The following SULT1C3 variants were observed in gnomAD, a reference collection of about 807,000 sequenced individuals.
SULT1C3 encodes sulfotransferase family 1C member 3.
Under a neutral mutation model 28.4 loss-of-function variants are expected in SULT1C3, and 31 were observed. That is an observed-to-expected ratio of 1.09 (90% CI 0.82 to 1.47). The LOEUF is 1.47. Ranked by LOEUF, SULT1C3 falls within the 40% of genes most tolerant of loss-of-function variation. SULT1C3 has a pLI of 0.00. For synonymous variants in SULT1C3, 106 were observed against 92.2 expected (o/e 1.15, Z -0.86); for missense variants, 307 against 272.5 (o/e 1.13, Z -0.89).
chr2:108,257,878 T>C (rs140018557), intron 5 of SULT1C3, among the ~76,000 whole-genome samples: 28 of 152,204 alleles, frequency 1.8e-4, no homozygotes, highest in Non-Finnish European at 3.4e-4. Context: ...TCTGTGTCTC[T>C]GGAGAACCTG....
At chr2:108,248,546 C>G (rs1018588092) in intron 2 of SULT1C3, among the ~76,000 whole-genome samples, 1 of 152,054 alleles carries the variant, frequency 6.6e-6, no homozygotes, top group Non-Finnish European at 1.5e-5. Flanking sequence ...CAGAAGGAAA[C>G]TACACAAATA....
chr2:108,240,916 A>G (rs1026651808), intron 1 of SULT1C3, among the ~76,000 whole-genome samples: 1 of 152,266 alleles, frequency 6.6e-6, no homozygotes, highest in African/African-American at 2.4e-5. Context: ...AAGAATGGTT[A>G]CATCTACATA....
downstream of SULT1C3, among the ~76,000 whole-genome samples, chr2:108,261,057 G>C (rs1676013769): frequency 6.6e-6 from 1 of 152,130 alleles, no homozygotes; most frequent in Non-Finnish European, 1.5e-5. Context: ...CCATTGTTAA[G>C]AGAGAATGTA....
At chr2:108,245,834 G>A (rs1675564861) in intron 1 of SULT1C3, among the ~76,000 whole-genome samples, 2 of 152,110 alleles carry the variant, frequency 1.3e-5, no homozygotes. Flanking sequence ...CCAAAAATGA[G>A]ATTTTCTTTT....
chr2:108,246,736 C>G (rs1007956570), intron 1 of SULT1C3, among the ~76,000 whole-genome samples: 7 of 151,988 alleles, frequency 4.6e-5, no homozygotes, highest in African/African-American at 1.7e-4. Context: ...TCCTTAAAAC[C>G]ATTGTTTTGA....
At chr2:108,263,553 T>C (rs892627261), downstream of SULT1C3, among the ~76,000 whole-genome samples, 5 of 152,206 alleles carry the variant, frequency 3.3e-5, no homozygotes, top group Non-Finnish European at 7.3e-5. Flanking sequence ...GTCATTGTTA[T>C]GGGACACTGA....
At chr2:108,264,948 T>C, downstream of SULT1C3, 1 of 1,613,958 alleles carries the variant, frequency 6.2e-7, no homozygotes, top group Non-Finnish European at 8.5e-7. Context: ...AATGACCAAC[T>C]ATACCACTTT....
intron 1 of SULT1C3, among the ~76,000 whole-genome samples, chr2:108,240,502 C>T (rs893612764): frequency 2.6e-5 from 4 of 152,146 alleles, no homozygotes; most frequent in African/African-American, 9.7e-5. Flanking sequence ...CTTTGGGGGT[C>T]TGTGAACTTT....
intron 5 of SULT1C3, 131 bp downstream of exon 5, chr2:108,255,829 G>A (rs1237799323): frequency 8.8e-7 from 1 of 1,135,644 alleles, no homozygotes; most frequent in Non-Finnish European, 1.2e-6. Context: ...ATCTGGGACT[G>A]GAGAAGCCAG....
At chr2:108,251,430 G>A (rs2104387011) in intron 2 of SULT1C3, among the ~76,000 whole-genome samples, 2 of 152,098 alleles carry the variant, frequency 1.3e-5, no homozygotes, top group Admixed American at 1.3e-4. Flanking sequence ...TACAATGAGC[G>A]ACCTGGTGGT....
chr2:108,245,535 TG>T (rs1356161835), intron 1 of SULT1C3, among the ~76,000 whole-genome samples: 3 of 152,200 alleles, frequency 2.0e-5, no homozygotes, highest in African/African-American at 7.2e-5. Context: ...GGGAATTGAA[TG>T]GCCATTTTCT....
chr2:108,260,439 A>G, intron 7 of SULT1C3, 129 bp from the exon 8 acceptor site: 1 of 341,306 alleles, frequency 2.9e-6, no homozygotes, highest in Non-Finnish European at 5.8e-6. Flanking sequence ...TGGAAAGACC[A>G]GAGGGAGTGG....
At chr2:108,255,107 GC>G (rs993031278) in intron 4 of SULT1C3, among the ~76,000 whole-genome samples, 9 of 152,062 alleles carry the variant, frequency 5.9e-5, no homozygotes, top group Admixed American at 5.2e-4. Context: ...GAGATGGTAT[GC>G]ACAAAAATGT....
intron 2 of SULT1C3, among the ~76,000 whole-genome samples, 176 bp from the exon 3 acceptor site, chr2:108,252,169 AGATAGATAGATAGATAGATG>A (rs1343084736): frequency 6.6e-6 from 1 of 151,872 alleles, no homozygotes; most frequent in African/African-American, 2.4e-5. Context: ...ATAGATAGAT[AGATAGATAGATAGATAGATG>A]GATAGATAGA....
chr2:108,257,555 C>T (rs949232073), intron 5 of SULT1C3, among the ~76,000 whole-genome samples: 1 of 151,860 alleles, frequency 6.6e-6, no homozygotes, highest in Non-Finnish European at 1.5e-5. Context: ...CCACAATCAA[C>T]CCCAATCCAA....
chr2:108,261,852 A>T (rs1676033371), downstream of SULT1C3, among the ~76,000 whole-genome samples: 1 of 152,146 alleles, frequency 6.6e-6, no homozygotes. Context: ...GGGAAATGAC[A>T]TCCTATTCTC....
intron 2 of SULT1C3, among the ~76,000 whole-genome samples, chr2:108,249,280 T>C (rs79972826): frequency 0.021 from 3,122 of 152,156 alleles, 50 homozygotes; most frequent in Admixed American, 0.035. Context: ...TAGAATTCCA[T>C]ATACCCAGTA....
At position 108,253,378 on chromosome 2, in the gene SULT1C3, A is replaced by G; in HGVS notation, c.335A>G (p.Gln112Arg). 2.5e-6 allele frequency: 4 copies of G among 1,582,546 alleles called. No individual in the cohort carries two copies. The highest frequency in any genetic ancestry group is 3.4e-6 in the Non-Finnish European group (4 of 1,165,038). ...TTCGTTCTTGAAATGTCCTCACCAC[A>G]ACTGATAAAAACACATCTCCCTTCA... ...LEFVLEMSSP[Q>R]LIKTHLPSHL... The change falls in exon 4 of 8, where the codon CAA becomes CGA. Residue 112 changes from glutamine (Q) to arginine (R), a missense_variant. Physicochemically the swap from Gln to Arg is conservative, Grantham distance 43. Coordinates refer to ENST00000681802, the MANE Select transcript of SULT1C3 (RefSeq NM_001320878.2).
At position 108,259,712 on chromosome 2, in the gene SULT1C3, A is replaced by G. The variant is rs149960078; in HGVS notation, c.802+566A>G. ...AGTATAGAGACTCATACCTCAAAAC[A>G]ACTCAGTAATGGCCTGTTGTGTGAG... On this transcript the variant is annotated intron_variant, in intron 7 of 7. Coordinates refer to ENST00000681802, the MANE Select transcript of SULT1C3 (RefSeq NM_001320878.2). Among the ~76,000 whole-genome samples, 1,277 of 152,256 alleles carry G rather than the reference A, an allele frequency of 8.4e-3. 11 individuals carry two copies. The highest frequency in any genetic ancestry group is 0.014 in the Non-Finnish European group (954 of 68,004).
Sources: gnomAD v4.1 joint callset for allele counts (sites outside exome capture counted in the v4.1 genomes callset) on GRCh38, gnomAD v4.1.1 for gene constraint, MANE v1.5 for transcripts, NCBI Gene and HGNC (gene_info 2026-07-23, HGNC 2026-07-21) for gene names.